ALDH1L2: variants seen among roughly 807,000 people sequenced by gnomAD.
The protein encoded by ALDH1L2 is aldehyde dehydrogenase 1 family member L2.
A neutral mutation model predicts 111.0 loss-of-function variants in ALDH1L2; 91 were observed. The ratio of observed to expected loss-of-function variants is 0.82; its 90% confidence interval spans 0.69 to 0.98. ALDH1L2 has a LOEUF of 0.98. Ranked by LOEUF, ALDH1L2 falls within the 50% of genes least tolerant of loss-of-function variation. The pLI is 0.00. For synonymous variants in ALDH1L2, 374 were observed against 392.6 expected (o/e 0.95, Z 0.56); for missense variants, 995 against 1,126.8 (o/e 0.88, Z 1.67).
chr12:105,046,917 G>C lies in ALDH1L2; in HGVS notation c.1739C>G (p.Thr580Ser). The C allele has an allele frequency of 1.9e-6, 3 of 1,614,084 alleles. No individual in the cohort carries two copies. The highest frequency in any genetic ancestry group is 2.5e-6 in the Non-Finnish European group (3 of 1,179,972). The change falls in exon 14 of 23, where the codon ACC becomes AGC. Residue 580 changes from threonine to serine, a missense_variant. Thr to Ser is a moderately conservative substitution (Grantham distance 58, BLOSUM62 1). Coordinates refer to ENST00000258494, the MANE Select transcript of ALDH1L2 (RefSeq NM_001034173.4). ...ATCTTACCCGAGTGGCTCTTTCTTG[G>C]TGAAGGTCAGATTGCGATTTGGACG... ...QARPNRNLTF[T>S]KKEPLGVCAI...
chr12:105,029,629 A>G (rs1874597861), intron 21 of ALDH1L2, among the ~76,000 whole-genome samples: 1 of 152,224 alleles, frequency 6.6e-6, no homozygotes, highest in Admixed American at 6.5e-5. Flanking sequence ...ACTACACCTT[A>G]TAGTCCCCTG....
chr12:105,065,510 G>A (rs1877296308), intron 5 of ALDH1L2, among the ~76,000 whole-genome samples, 154 bp from the exon 6 acceptor site: 2 of 152,190 alleles, frequency 1.3e-5, no homozygotes, highest in South Asian at 4.1e-4. Context: ...ATTTTGTCAG[G>A]TGGCTGATTT....
At chr12:105,040,265 GTC>G (rs1041745533) in intron 16 of ALDH1L2, among the ~76,000 whole-genome samples, 11 of 150,696 alleles carry the variant, frequency 7.3e-5, no homozygotes, top group African/African-American at 2.7e-4. Flanking sequence ...ACTGATAAAA[GTC>G]TGAAATAATA....
chr12:105,082,779 A>G (rs1878390553), intron 1 of ALDH1L2, among the ~76,000 whole-genome samples: 1 of 152,208 alleles, frequency 6.6e-6, no homozygotes, highest in Non-Finnish European at 1.5e-5. Context: ...AAACTGCCAA[A>G]CAGTTTTCCA....
In ALDH1L2 at chr12:105,053,025, G is replaced by A. The variant is rs78995531; in HGVS notation, c.1288-94C>T. 2.9e-3 allele frequency: 4,147 copies of A among 1,431,034 alleles called. 122 individuals are homozygous for A. The African/African-American group carries it at 0.052, about 18-fold the overall frequency. The allele number at this position is 1,431,034 out of a possible 1,614,324, so 88.6% of individuals were successfully genotyped here. On this transcript the variant is annotated intron_variant, in intron 10 of 22. Transcript: ENST00000258494. Reference sequence around the variant, plus strand: ...AGAAGCATATTCACGAATGCAGAGGGAGAAGTCAATGACATTCTAGTTCCG... The same window carrying A: ...AGAAGCATATTCACGAATGCAGAGGAAGAAGTCAATGACATTCTAGTTCCG...
At chr12:105,050,672 T>G (rs1229572801) in intron 12 of ALDH1L2, 1 of 454,378 alleles carries the variant, frequency 2.2e-6, no homozygotes, top group Non-Finnish European at 4.4e-6. Flanking sequence ...CGACAATCTT[T>G]GTTCCAGATC....
intron 1 of ALDH1L2, among the ~76,000 whole-genome samples, chr12:105,078,871 T>C (rs967513674): frequency 1.3e-5 from 2 of 151,988 alleles, no homozygotes; most frequent in East Asian, 3.9e-4. Flanking sequence ...AGGCAGAGGG[T>C]GCGGTATTTA....
At position 105,077,172 on chromosome 12, in the gene ALDH1L2, A is replaced by C. The variant is rs188237320; in HGVS notation, c.49-3167T>G. Among the ~76,000 whole-genome samples the C allele has an allele frequency of 3.9e-3, 597 of 152,338 alleles. 7 individuals are homozygous for C. Among genetic ancestry groups the C allele is most frequent in the African/African-American group, 0.013 (557 of 41,572 alleles). On this transcript the variant is annotated intron_variant, in intron 1 of 22. Transcript: ENST00000258494. ...CAGCACCATTCTTTAACCGGCTCTC[A>C]CTATAGGTGTCTGTCGCATTAGTGA...
In ALDH1L2 at chr12:105,070,635, C is replaced by G. The variant is rs1286575401; in HGVS notation, c.363G>C (p.Lys121Asn). The G allele has an allele frequency of 1.9e-6, 3 of 1,613,998 alleles. No homozygotes were observed. The African/African-American group carries it at 4.0e-5, about 22-fold the overall frequency. ...FIPMDIIDSP[K>N]HGSIIYHPSI... ...ATGGGTGATAAATGATAGAGCCGTG[C>G]TTTGGACTATCAATTATATCCATGG... The change falls in exon 3 of 23, where the codon AAG (lysine) becomes AAC (asparagine). Residue 121 changes from lysine to asparagine, a missense_variant. Transcript: ENST00000258494.
chr12:105,063,492 AAAG>A (rs1877139748), intron 6 of ALDH1L2, among the ~76,000 whole-genome samples: 1 of 147,302 alleles, frequency 6.8e-6, no homozygotes, highest in South Asian at 2.1e-4. Flanking sequence ...AAAAAAAAAG[AAAG>A]AAAGAAAGAA....
At position 105,071,231 on chromosome 12, in the gene ALDH1L2, G is replaced by A. The variant is rs533557030; in HGVS notation, c.194-427C>T. Among the ~76,000 whole-genome samples, 8 of 152,238 alleles carry A rather than the reference G, an allele frequency of 5.3e-5. 1 individual carries two copies. The South Asian group carries it at 1.2e-3, about 24-fold the overall frequency. On this transcript the variant is annotated intron_variant, in intron 2 of 22. Transcript: ENST00000258494. ...CTTCCCTCCCTATACTGAACACATC[G>A]TAGACCAGAACACATTCTCCCTGCC...
intron 15 of ALDH1L2, among the ~76,000 whole-genome samples, chr12:105,041,370 CA>C (rs1338560985): frequency 2.0e-5 from 3 of 152,190 alleles, no homozygotes; most frequent in African/African-American, 7.2e-5. Context: ...TCAAGTTATG[CA>C]CTTTTGGGAA....
chr12:105,046,221 ATTTTTTTTTTTTTT>A (rs869078154), intron 15 of ALDH1L2, among the ~76,000 whole-genome samples: 31 of 21,784 alleles, frequency 1.4e-3, no homozygotes, highest in African/African-American at 6.0e-3. Context: ...ATATATATAT[ATTTTTTTTTTTTTT>A]TTTTTTTTTT....
At position 105,052,854 on chromosome 12, in the gene ALDH1L2, G is replaced by T. The variant is rs781457233; in HGVS notation, c.1365C>A (p.Asp455Glu). Reference protein sequence around the residue: ...CFINGQFTDADDGKTYDTINP... With the variant: ...CFINGQFTDAEDGKTYDTINP... ...TGATAGTGTCGTAAGTCTTTCCATC[G>T]TCTGCATCTGTGAACTGTCCATTTA... Residue 455 changes from aspartate to glutamate, a missense_variant, in exon 11 of 23, where the codon GAC becomes GAA. By Grantham distance (45) the Asp-to-Glu change is conservative (BLOSUM62 2). Coordinates refer to ENST00000258494, the MANE Select transcript of ALDH1L2 (RefSeq NM_001034173.4). The T allele has an allele frequency of 6.2e-7, 1 of 1,614,006 alleles. No homozygotes were observed. The highest frequency in any genetic ancestry group is 1.7e-5 in the Admixed American group (1 of 60,010).
intron 6 of ALDH1L2, among the ~76,000 whole-genome samples, chr12:105,063,664 G>A (rs11112353): frequency 1.3e-5 from 2 of 150,874 alleles, no homozygotes; most frequent in South Asian, 4.2e-4. Context: ...GGTAGGGTTT[G>A]GGTGGGTGGG....
At chr12:105,058,657 T>C (rs1782222244) in intron 9 of ALDH1L2, among the ~76,000 whole-genome samples, 1 of 152,232 alleles carries the variant, frequency 6.6e-6, no homozygotes, top group Non-Finnish European at 1.5e-5. Flanking sequence ...TTTGTTTGTA[T>C]TACGTAGTTA....
chr12:105,036,541 TATATATATATATATATATATATATAA>T (rs1255804060), intron 18 of ALDH1L2, among the ~76,000 whole-genome samples: 2,019 of 47,474 alleles, frequency 0.043, 109 homozygotes, highest in East Asian at 0.18. Flanking sequence ...TATATATATA[TATATATATATATATATATATATATAA>T]AATGGATGTG....
In ALDH1L2 at chr12:105,049,894, A is replaced by G; in HGVS notation, c.1686+14T>C. 6.2e-7 allele frequency: 1 copy of G among 1,605,282 alleles called. No homozygotes were observed. Among genetic ancestry groups the G allele is most frequent in the Non-Finnish European group, 8.5e-7 (1 of 1,175,802 alleles). ...GTCCCTTTTTCTTTCAGAACAAATA[A>G]TATTTGTGCTTACCTGAATTTTGTC... On this transcript the variant is annotated intron_variant, in intron 13 of 22. Transcript: ENST00000258494.
Position 105,052,808 on chromosome 12 carries a change from T to C in ALDH1L2, c.1407+4A>G. The C allele has an allele frequency of 6.2e-7, 1 of 1,614,088 alleles. No homozygotes were observed. Reference sequence around the variant, plus strand: ...ATCACTACTCACACTAAAGAATTACTCACAGATCCATCTGTTGGGTTGATA... The same window carrying C: ...ATCACTACTCACACTAAAGAATTACCCACAGATCCATCTGTTGGGTTGATA... On this transcript the variant is annotated splice_donor_region_variant and intron_variant, in intron 11 of 22. Transcript: ENST00000258494.
Sources: gnomAD v4.1 joint callset for allele counts (sites outside exome capture counted in the v4.1 genomes callset) on GRCh38, gnomAD v4.1.1 for gene constraint, MANE v1.5 for transcripts, NCBI Gene and HGNC (gene_info 2026-07-23, HGNC 2026-07-21) for gene names.